The following RIMS1 variants were observed in gnomAD, a reference collection of about 807,000 sequenced individuals.
The protein encoded by RIMS1 is regulating synaptic membrane exocytosis 1.
A neutral mutation model predicts 214.1 loss-of-function variants in RIMS1; 83 were observed. The observed-to-expected ratio is 0.39, with a 90% CI of 0.32 to 0.47. The LOEUF is 0.47. Among genes scored for constraint, RIMS1 ranks in the 20% least tolerant of loss-of-function variants. The pLI, the probability that RIMS1 is intolerant of heterozygous loss-of-function variation, is 0.99. For synonymous variants in RIMS1, 793 were observed against 786.8 expected, an observed-to-expected ratio of 1.01 and a Z score of -0.13; for missense variants, 2,050 against 2,161.8, an observed-to-expected ratio of 0.95 and a Z score of 1.03.
chr6:72,085,804 C>A (rs1834533523), intron 2 of RIMS1, among the ~76,000 whole-genome samples: 2 of 152,092 alleles, frequency 1.3e-5, no homozygotes, highest in South Asian at 4.1e-4. Flanking sequence ...CAAGGAAACA[C>A]CTCTTACAAA....
At chr6:71,933,876 C>T (rs906505512) in intron 1 of RIMS1, among the ~76,000 whole-genome samples, 1 of 152,126 alleles carries the variant, frequency 6.6e-6, no homozygotes, top group African/African-American at 2.4e-5. Flanking sequence ...CTTAATATAT[C>T]TTTTAATTAT....
intron 29 of RIMS1, among the ~76,000 whole-genome samples, chr6:72,347,023 A>T (rs376339889): frequency 4.2e-4 from 64 of 151,990 alleles, no homozygotes; most frequent in Middle Eastern, 3.4e-3. Context: ...TCTCAGAGTC[A>T]GGAGTTAATT....
At chr6:72,217,371 C>A (rs2056612427) in intron 6 of RIMS1, 2 of 786,834 alleles carry the variant, frequency 2.5e-6, no homozygotes, top group Non-Finnish European at 1.9e-6. Flanking sequence ...GGATGTTTTG[C>A]TTTATATAAA....
chr6:72,006,172 C>T (rs746574991), intron 2 of RIMS1, among the ~76,000 whole-genome samples: 9 of 152,112 alleles, frequency 5.9e-5, no homozygotes, highest in Non-Finnish European at 1.2e-4. Flanking sequence ...AAGGGCTCTG[C>T]CCTCATGATC....
chr6:72,009,936 A>G (rs978731830), intron 2 of RIMS1, among the ~76,000 whole-genome samples: 2 of 148,936 alleles, frequency 1.3e-5, no homozygotes, highest in Non-Finnish European at 3.0e-5. Context: ...AACTATTCCA[A>G]TCAATAGAAA....
rs149729586 is a variant in RIMS1 at position 71,916,029 on chromosome 6, C to T, written c.164+28842C>T. Among the ~76,000 whole-genome samples the T allele has an allele frequency of 6.1e-3, 930 of 152,180 alleles. 8 individuals are homozygous for T. Among genetic ancestry groups the T allele is most frequent in the African/African-American group, 0.021 (872 of 41,536 alleles). On this transcript the variant is annotated intron_variant, in intron 1 of 33. Transcript: ENST00000521978. ...ATTACCTCCCACCGGGTCCATCCCA[C>T]AACACATAGGAATTGTGGGAGCTAC...
chr6:72,344,216 A>G (rs1483979849), intron 29 of RIMS1, among the ~76,000 whole-genome samples: 1 of 151,852 alleles, frequency 6.6e-6, no homozygotes, highest in Non-Finnish European at 1.5e-5. Flanking sequence ...AAAATGGATG[A>G]CATTTGCCCT....
intron 4 of RIMS1, among the ~76,000 whole-genome samples, chr6:72,146,664 C>T (rs1218155660): frequency 1.3e-5 from 2 of 152,178 alleles, no homozygotes; most frequent in Non-Finnish European, 2.9e-5. Context: ...TTAATTTTTA[C>T]AAACCTTCCA....
chr6:72,383,095 T>A (rs2098520524), intron 29 of RIMS1, among the ~76,000 whole-genome samples: 1 of 152,224 alleles, frequency 6.6e-6, no homozygotes, highest in Non-Finnish European at 1.5e-5. Flanking sequence ...GTTTACATGC[T>A]CATTAAGTGG....
At chr6:72,176,437 A>G (rs2047717176) in intron 4 of RIMS1, among the ~76,000 whole-genome samples, 1 of 152,186 alleles carries the variant, frequency 6.6e-6, no homozygotes, top group Admixed American at 6.5e-5. Context: ...ATGTATGACA[A>G]TATTCTATTG....
intron 6 of RIMS1, among the ~76,000 whole-genome samples, chr6:72,198,446 A>G (rs766681553): frequency 6.6e-6 from 1 of 152,042 alleles, no homozygotes; most frequent in Non-Finnish European, 1.5e-5. Context: ...GAGCTAATAG[A>G]ATTGATTTCA....
intron 26 of RIMS1, among the ~76,000 whole-genome samples, chr6:72,292,944 G>A (rs754493041): frequency 1.3e-5 from 2 of 151,978 alleles, no homozygotes; most frequent in Non-Finnish European, 2.9e-5. Flanking sequence ...TATTGTTGCT[G>A]ATGGAAAACT....
intron 6 of RIMS1, chr6:72,216,728 G>A: frequency 2.0e-6 from 2 of 986,112 alleles, no homozygotes; most frequent in Non-Finnish European, 1.2e-6. Flanking sequence ...AACAAGATGA[G>A]CTCCTGAACA....
At chr6:72,196,387 CTA>C (rs2153986455) in intron 6 of RIMS1, among the ~76,000 whole-genome samples, 1 of 149,946 alleles carries the variant, frequency 6.7e-6, no homozygotes, top group East Asian at 2.0e-4. Flanking sequence ...GTCTATCTAT[CTA>C]TCTATCTATC....
intron 28 of RIMS1, among the ~76,000 whole-genome samples, chr6:72,333,332 G>A (rs1254836203): frequency 6.6e-6 from 1 of 151,728 alleles, no homozygotes; most frequent in Non-Finnish European, 1.5e-5. Flanking sequence ...CCCCATGCAT[G>A]GCATTTGTTG....
At chr6:72,186,564 G>T (rs1300779389) in intron 6 of RIMS1, among the ~76,000 whole-genome samples, 4 of 152,108 alleles carry the variant, frequency 2.6e-5, no homozygotes, top group African/African-American at 9.7e-5. Context: ...GATTTAAAGT[G>T]GCCACAGTCC....
At chr6:72,366,041 G>A (rs1289539760) in intron 29 of RIMS1, among the ~76,000 whole-genome samples, 1 of 152,110 alleles carries the variant, frequency 6.6e-6, no homozygotes. Flanking sequence ...TTATGATAAG[G>A]GTTAATGGAA....
chr6:72,308,822 G>A (rs980648632), intron 27 of RIMS1, among the ~76,000 whole-genome samples: 2 of 152,050 alleles, frequency 1.3e-5, no homozygotes, highest in African/African-American at 4.8e-5. Context: ...CTCCATACAG[G>A]TTTATCTTGT....
At chr6:72,017,766 A>C (rs1486003486) in intron 2 of RIMS1, among the ~76,000 whole-genome samples, 1 of 152,230 alleles carries the variant, frequency 6.6e-6, no homozygotes, top group Non-Finnish European at 1.5e-5. Context: ...TTGCTGCAAC[A>C]TATTGCAATA....
Sources: allele counts gnomAD v4.1 joint callset (sites outside exome capture counted in the v4.1 genomes callset), GRCh38; gene constraint gnomAD v4.1.1; transcripts MANE v1.5; gene names NCBI Gene and HGNC (gene_info 2026-07-23, HGNC 2026-07-21).